Variants in FAM114A1 observed in about 807,000 individuals in gnomAD.
The protein encoded by FAM114A1 is protein NOXP20.
A neutral mutation model predicts 64.3 loss-of-function variants in FAM114A1; 62 were observed. That is an observed-to-expected ratio of 0.96 (90% confidence interval 0.79 to 1.19). FAM114A1 has a LOEUF of 1.19. FAM114A1 is among the 50% of genes most tolerant of loss of function. FAM114A1 has a pLI of 0.00. For synonymous variants in FAM114A1, 254 were observed against 251.1 expected (o/e 1.01, Z -0.11); for missense variants, 645 against 676.3 (o/e 0.95, Z 0.51).
chr4:38,939,886 CTT>C (rs545845095), intron 13 of FAM114A1, among the ~76,000 whole-genome samples: 33 of 131,622 alleles, frequency 2.5e-4, no homozygotes, highest in Non-Finnish European at 2.1e-4. Context: ...CACTTTCTTT[CTT>C]TTTTTTTTTT....
intron 7 of FAM114A1, among the ~76,000 whole-genome samples, chr4:38,910,248 AAAG>A (rs1268352319): frequency 6.6e-6 from 1 of 152,188 alleles, no homozygotes; most frequent in Non-Finnish European, 1.5e-5. Flanking sequence ...CAAAAAAAAA[AAAG>A]AAGAGAAAGG....
chr4:38,878,117 C>T lies in FAM114A1; in HGVS notation c.39C>T (p.Asp13=). 4 of 1,613,258 alleles carry T rather than the reference C, an allele frequency of 2.5e-6. No individual in the cohort carries two copies. Among genetic ancestry groups the T allele is most frequent in the Non-Finnish European group, 3.4e-6 (4 of 1,179,508 alleles). The change falls in exon 3 of 15, where the codon GAC becomes GAT. Residue 13 remains aspartate, a synonymous_variant. Coordinates refer to ENST00000358869, the MANE Select transcript of FAM114A1 (RefSeq NM_138389.4). ...DDAGDTLATG[D]KAEVTEMPNS... is the part of the protein sequence containing the mutation. The stretch of plus-strand genomic sequence containing the variant: ...CTGGTGACACCTTAGCCACTGGAGA[C>T]AAAGCAGAAGTTACTGAGATGCCTA...
rs558774418 is a variant in FAM114A1, at chr4:38,885,249, A to G, written c.349-6494A>G. Among the ~76,000 whole-genome samples, 50 of 151,968 alleles carry G rather than the reference A, an allele frequency of 3.3e-4. 1 individual carries two copies. Among genetic ancestry groups the G allele is most frequent in the Admixed American group, 2.8e-3 (42 of 15,242 alleles). On this transcript the variant is annotated intron_variant, in intron 3 of 14. Transcript: ENST00000358869. ...CACGACCTCCCAAAGTGCTGGAATT[A>G]CAGACATGAGCCACAAAGCCCGGCC...
intron 7 of FAM114A1, 143 bp from the exon 8 acceptor site, chr4:38,914,778 A>C (rs1353497823): frequency 1.8e-5 from 16 of 895,650 alleles, no homozygotes; most frequent in Middle Eastern, 3.6e-4. Flanking sequence ...CAATCAAAAA[A>C]ATCATTTTTT....
intron 2 of FAM114A1, among the ~76,000 whole-genome samples, chr4:38,869,921 A>G (rs1243299910): frequency 1.3e-5 from 2 of 152,238 alleles, no homozygotes; most frequent in Non-Finnish European, 2.9e-5. Context: ...TAATAAATTT[A>G]GATTTATGAA....
chr4:38,880,539 T>G (rs1421372790), intron 3 of FAM114A1, among the ~76,000 whole-genome samples: 1 of 152,036 alleles, frequency 6.6e-6, no homozygotes, highest in Admixed American at 6.5e-5. Flanking sequence ...AAGCCGCAGG[T>G]TTGGCAGTTT....
At chr4:38,892,826 C>T (rs1446911399) in intron 4 of FAM114A1, among the ~76,000 whole-genome samples, 3 of 152,218 alleles carry the variant, frequency 2.0e-5, no homozygotes, top group African/African-American at 7.2e-5. Context: ...TTTTGCCCCA[C>T]CCCAGTGGAC....
At chr4:38,943,382 A>G (rs1355992074) in intron 14 of FAM114A1, 74 bp from the exon 15 acceptor site, 4 of 1,284,834 alleles carry the variant, frequency 3.1e-6, no homozygotes, top group Middle Eastern at 1.8e-4. Flanking sequence ...GAGTGGGAAC[A>G]TTATCCAATT....
In FAM114A1 at chr4:38,943,688, G is replaced by T; in HGVS notation, c.*131G>T. The T allele has an allele frequency of 1.6e-6, 1 of 619,834 alleles. No homozygotes were observed. Among genetic ancestry groups the T allele is most frequent in the East Asian group, 2.8e-5 (1 of 36,316 alleles). 38.4% of individuals were successfully genotyped at this position (619,834 alleles called of 1,614,324 possible). ...AGGACACTACAAGCAATTTTGCACA[G>T]ACAATATTGAGAATGCAAATTTAGA... On this transcript the variant is annotated 3_prime_UTR_variant, in exon 15 of 15. Coordinates refer to ENST00000358869, the MANE Select transcript of FAM114A1 (RefSeq NM_138389.4).
intron 2 of FAM114A1, among the ~76,000 whole-genome samples, chr4:38,869,642 C>A (rs781112327): frequency 5.9e-5 from 9 of 152,106 alleles, no homozygotes; most frequent in Non-Finnish European, 8.8e-5. Flanking sequence ...CAAACTCATA[C>A]AAACTGCTAC....
intron 10 of FAM114A1, among the ~76,000 whole-genome samples, chr4:38,929,638 G>C (rs1205960670): frequency 1.3e-5 from 2 of 152,218 alleles, no homozygotes; most frequent in African/African-American, 4.8e-5. Flanking sequence ...TTAGCCAAGT[G>C]CGGTGGCGCA....
At chr4:38,906,820 G>A (rs1193446774) in intron 6 of FAM114A1, among the ~76,000 whole-genome samples, 1 of 151,992 alleles carries the variant, frequency 6.6e-6, no homozygotes, top group Non-Finnish European at 1.5e-5. Flanking sequence ...CAGGTGTGAA[G>A]GTGTATTTCT....
intron 13 of FAM114A1, among the ~76,000 whole-genome samples, 187 bp from the exon 14 acceptor site, chr4:38,940,781 C>T (rs189537556): frequency 3.6e-4 from 55 of 152,296 alleles, no homozygotes; most frequent in African/African-American, 1.2e-3. Flanking sequence ...CTAGGATTTC[C>T]GTTGCAATTA....
chr4:38,880,107 GTAGAATAGAATAGAATAGAATAGAA>G (rs573937537), intron 3 of FAM114A1, among the ~76,000 whole-genome samples: 2,550 of 127,376 alleles, frequency 0.02, 115 homozygotes, highest in African/African-American at 0.071. Flanking sequence ...ATAAAATAGA[GTAGAATAGAATAGAATAGAATAGAA>G]TAGAATAGAA....
At chr4:38,928,658 G>A (rs1192764551) in intron 9 of FAM114A1, among the ~76,000 whole-genome samples, 3 of 152,140 alleles carry the variant, frequency 2.0e-5, no homozygotes, top group Non-Finnish European at 2.9e-5. Flanking sequence ...AGCTTCCAGG[G>A]TGAAAGGAAG....
chr4:38,915,744 GGTGTGTGTGTGTGTGTGTGT>G lies in FAM114A1; in HGVS notation c.945+702_945+721del, dbSNP rs58018099. Among the ~76,000 whole-genome samples, 185 of 139,216 alleles carry G rather than the reference GGTGTGTGTGTGTGTGTGTGT, an allele frequency of 1.3e-3. 1 individual carries two copies. Among genetic ancestry groups the G allele is most frequent in the South Asian group, 0.011 (44 of 4,144 alleles). 91.3% of individuals were successfully genotyped at this position (139,216 alleles called of 152,430 possible). A position where few individuals can be genotyped will look rare whatever the true frequency, so the allele number is the denominator to read the frequency against. On this transcript the variant is annotated intron_variant, in intron 8 of 14. Coordinates refer to ENST00000358869, the MANE Select transcript of FAM114A1 (RefSeq NM_138389.4). ...TTTTTTCCCTTAAAGCATCTATAGT[GGTGTGTGTGTGTGTGTGTGT>G]GTGTGTGTGTGTGTGTGTGTGTGTG...
rs550756560 is a variant in FAM114A1 at position 38,912,742 on chromosome 4, A to G, written c.793-2179A>G. On this transcript the variant is annotated intron_variant, in intron 7 of 14. Transcript: ENST00000358869. ...GAGTGACCCTTTCCCTTTCTCTTCA[A>G]TTTCATCCCTTCTTTTTTCTCTCCC... Among the ~76,000 whole-genome samples, 15 of 152,210 alleles carry G rather than the reference A, an allele frequency of 9.9e-5. No homozygotes were observed. The East Asian group carries it at 2.9e-3, about 29-fold the overall frequency.
chr4:38,900,225 TAA>T (rs34215730), intron 4 of FAM114A1, among the ~76,000 whole-genome samples: 1,639 of 147,004 alleles, frequency 0.011, 16 homozygotes, highest in Middle Eastern at 0.044. Context: ...ACGATTATTT[TAA>T]AAAAAAAAAA....
At chr4:38,927,720 G>C (rs1720254042) in intron 9 of FAM114A1, among the ~76,000 whole-genome samples, 2 of 152,148 alleles carry the variant, frequency 1.3e-5, no homozygotes, top group Admixed American at 1.3e-4. Context: ...GTCTTGCTCT[G>C]TCACCCAGGC....
Sources: allele counts gnomAD v4.1 joint callset (sites outside exome capture counted in the v4.1 genomes callset), GRCh38; gene constraint gnomAD v4.1.1; transcripts MANE v1.5; gene names NCBI Gene and HGNC (gene_info 2026-07-23, HGNC 2026-07-21).